EYA1: variants seen among roughly 807,000 people sequenced by gnomAD.
EYA1 encodes the protein protein phosphatase EYA1.
In EYA1, 16 loss-of-function variants were observed where a neutral mutation model predicts 82.0. The observed-to-expected ratio is 0.20, with a 90% confidence interval of 0.13 to 0.30. The LOEUF is 0.30. Ranked by LOEUF, EYA1 falls within the 10% of genes least tolerant of loss-of-function variation. The pLI, the probability that EYA1 is intolerant of heterozygous loss-of-function variation, is 1.00. For synonymous variants in EYA1, 261 were observed against 264.4 expected (o/e 0.99, Z 0.12); for missense variants, 633 against 730.7 (o/e 0.87, Z 1.54).
At chr8:71,515,659 C>T (rs76127507) in intron 2 of EYA1, among the ~76,000 whole-genome samples, 1 of 152,132 alleles carries the variant, frequency 6.6e-6, no homozygotes, top group East Asian at 1.9e-4. Context: ...ATTTGCATTC[C>T]TCTTACTTTG....
exon 2 of EYA1, chr8:71,535,788 T>C: frequency 6.6e-7 from 1 of 1,510,828 alleles, no homozygotes. Context: ...GAAGACTTCT[T>C]CTGAATTATG....
chr8:71,270,845 G>A (rs1331113790), intron 10 of EYA1, among the ~76,000 whole-genome samples: 1 of 152,118 alleles, frequency 6.6e-6, no homozygotes, highest in Admixed American at 6.5e-5. Flanking sequence ...TTATGGCTGG[G>A]CGTGGTGGCT....
At chr8:71,543,121 T>G (rs996312822) in intron 1 of EYA1, among the ~76,000 whole-genome samples, 1 of 152,208 alleles carries the variant, frequency 6.6e-6, no homozygotes, top group Non-Finnish European at 1.5e-5. Flanking sequence ...CCCCTTCATA[T>G]GTCCAGAATG....
At chr8:71,477,647 T>C (rs1417135787) in intron 2 of EYA1, among the ~76,000 whole-genome samples, 1 of 152,072 alleles carries the variant, frequency 6.6e-6, no homozygotes, top group African/African-American at 2.4e-5. Context: ...GTGCAAACAC[T>C]GTGGTAAAAA....
chr8:71,438,643 A>G (rs1000999519), intron 2 of EYA1, among the ~76,000 whole-genome samples: 2 of 152,136 alleles, frequency 1.3e-5, no homozygotes, highest in Non-Finnish European at 2.9e-5. Context: ...TGATGCCTGA[A>G]ATGTGGAGAG....
chr8:71,456,537 T>C (rs1807933479), intron 2 of EYA1, among the ~76,000 whole-genome samples: 1 of 152,168 alleles, frequency 6.6e-6, no homozygotes, highest in South Asian at 2.1e-4. Context: ...CAAAACAGCA[T>C]GCTACTGGTA....
chr8:71,380,607 T>C (rs1452719901), intron 2 of EYA1, among the ~76,000 whole-genome samples: 1 of 152,196 alleles, frequency 6.6e-6, no homozygotes, highest in Non-Finnish European at 1.5e-5. Flanking sequence ...GCCTGGAATG[T>C]CCAGCCCCTA....
chr8:71,387,612 C>T (rs770617427), intron 2 of EYA1, among the ~76,000 whole-genome samples: 20 of 152,192 alleles, frequency 1.3e-4, no homozygotes, highest in African/African-American at 2.4e-4. Flanking sequence ...GCAATGCTGA[C>T]GGCACCCACA....
chr8:71,359,244 T>A (rs1827166272), intron 1 of EYA1, among the ~76,000 whole-genome samples: 1 of 152,314 alleles, frequency 6.6e-6, no homozygotes, highest in African/African-American at 2.4e-5. Flanking sequence ...TTTTTTCTAA[T>A]TAAATTTATA....
intron 9 of EYA1, among the ~76,000 whole-genome samples, chr8:71,288,604 G>C (rs891812169): frequency 1.3e-5 from 2 of 152,198 alleles, no homozygotes; most frequent in Non-Finnish European, 2.9e-5. Flanking sequence ...GGTTACGCAA[G>C]TGGATTTGTA....
At chr8:71,525,149 G>A (rs1310991760) in intron 2 of EYA1, among the ~76,000 whole-genome samples, 1 of 152,188 alleles carries the variant, frequency 6.6e-6, no homozygotes, top group African/African-American at 2.4e-5. Flanking sequence ...CACTTGGGCA[G>A]CAGCTGAGTC....
chr8:71,490,566 G>A (rs118055419), intron 2 of EYA1, among the ~76,000 whole-genome samples: 336 of 152,158 alleles, frequency 2.2e-3, no homozygotes, highest in Middle Eastern at 6.8e-3. Context: ...ATAGAGAAAA[G>A]ATGGATGTTA....
chr8:71,512,174 C>T (rs796823084), intron 2 of EYA1, among the ~76,000 whole-genome samples: 21 of 152,238 alleles, frequency 1.4e-4, no homozygotes, highest in African/African-American at 5.1e-4. Context: ...TCCAATTTAT[C>T]AGAAGTAATC....
chr8:71,401,030 G>A (rs991452258), intron 2 of EYA1, among the ~76,000 whole-genome samples: 3 of 152,084 alleles, frequency 2.0e-5, no homozygotes, highest in Non-Finnish European at 2.9e-5. Flanking sequence ...GCAAACTAAC[G>A]CAGGAACAGA....
chr8:71,321,366 A>G (rs1822524460), intron 6 of EYA1, among the ~76,000 whole-genome samples: 1 of 152,320 alleles, frequency 6.6e-6, no homozygotes, highest in East Asian at 1.9e-4. Context: ...GGCATCTGAT[A>G]AATAGGAAAT....
At chr8:71,490,612 G>A (rs1810920502) in intron 2 of EYA1, among the ~76,000 whole-genome samples, 1 of 152,094 alleles carries the variant, frequency 6.6e-6, no homozygotes, top group Non-Finnish European at 1.5e-5. Context: ...AAAAAAATAT[G>A]TATAGATATG....
At chr8:71,272,616 C>CA (rs906568252) in intron 9 of EYA1, among the ~76,000 whole-genome samples, 1 of 152,144 alleles carries the variant, frequency 6.6e-6, no homozygotes, top group African/African-American at 2.4e-5. Context: ...AAATAAAGAA[C>CA]AACCCCCAAA....
intron 2 of EYA1, among the ~76,000 whole-genome samples, chr8:71,397,903 C>T (rs888499936): frequency 6.6e-6 from 1 of 152,166 alleles, no homozygotes; most frequent in Non-Finnish European, 1.5e-5. Context: ...TGGTTCCATT[C>T]TCCCCGTCAC....
intron 12 of EYA1, among the ~76,000 whole-genome samples, chr8:71,224,477 A>C (rs1403282453): frequency 6.6e-6 from 1 of 152,252 alleles, no homozygotes; most frequent in Non-Finnish European, 1.5e-5. Flanking sequence ...TCTGTCATTA[A>C]GTGATTACAT....
Sources: gnomAD v4.1 joint callset for allele counts (sites outside exome capture counted in the v4.1 genomes callset) on GRCh38, gnomAD v4.1.1 for gene constraint, MANE v1.5 for transcripts, NCBI Gene and HGNC (gene_info 2026-07-23, HGNC 2026-07-21) for gene names.